RPS6KC1: variants seen among roughly 807,000 people sequenced by gnomAD.
RPS6KC1 encodes the protein inactive ribosomal protein S6 kinase delta-1.
In RPS6KC1, 54 loss-of-function variants were observed where a neutral mutation model predicts 103.8. The ratio of observed to expected loss-of-function variants is 0.52; its 90% CI spans 0.42 to 0.65. The LOEUF (loss-of-function observed/expected upper bound fraction) is 0.65. RPS6KC1 is among the 30% of genes least tolerant of loss of function. RPS6KC1 has a pLI of 0.00. For synonymous variants in RPS6KC1, 439 were observed against 438.7 expected (o/e 1.00, Z -0.01); for missense variants, 1,151 against 1,253.8 (o/e 0.92, Z 1.24).
At chr1:213,756,847 C>G in the RPS6KC1 span, among the ~76,000 whole-genome samples, 2 of 152,020 alleles carry the variant, frequency 1.3e-5, no homozygotes, top group African/African-American at 2.4e-5. Flanking sequence ...TGACCTCAAG[C>G]AATCTGCCTG....
intron 6 of RPS6KC1, among the ~76,000 whole-genome samples, chr1:213,137,505 G>A (rs1188381632): frequency 2.0e-5 from 3 of 151,038 alleles, no homozygotes; most frequent in African/African-American, 7.3e-5. Context: ...GGCTAATTTT[G>A]TATTTTTAGG....
intron 8 of RPS6KC1, among the ~76,000 whole-genome samples, chr1:213,186,265 T>C (rs574424467): frequency 2.6e-5 from 4 of 152,108 alleles, no homozygotes; most frequent in Admixed American, 6.5e-5. Context: ...ATAATGTAGA[T>C]CTGATGGTGG....
chr1:213,664,892 A>G, the RPS6KC1 span, among the ~76,000 whole-genome samples: 1 of 152,210 alleles, frequency 6.6e-6, no homozygotes, highest in Middle Eastern at 3.2e-3. Flanking sequence ...TATGCTTTAT[A>G]TATGAAAGAG....
the RPS6KC1 span, among the ~76,000 whole-genome samples, chr1:213,800,762 T>G: frequency 6.6e-6 from 1 of 152,238 alleles, no homozygotes; most frequent in East Asian, 1.9e-4. Context: ...CTTTTATTTT[T>G]AAATCTGAGA....
chr1:213,348,476 T>C, the RPS6KC1 span, among the ~76,000 whole-genome samples: 1 of 152,186 alleles, frequency 6.6e-6, no homozygotes, highest in Non-Finnish European at 1.5e-5. Flanking sequence ...AAAGAAAAAC[T>C]ATCTGGGTCA....
chr1:213,756,510 T>C, the RPS6KC1 span, among the ~76,000 whole-genome samples: 1 of 152,244 alleles, frequency 6.6e-6, no homozygotes, highest in African/African-American at 2.4e-5. Context: ...CAACCCTGTG[T>C]TGAACACGTC....
the RPS6KC1 span, among the ~76,000 whole-genome samples, chr1:213,383,296 A>G: frequency 1.7e-4 from 26 of 152,242 alleles, no homozygotes; most frequent in Admixed American, 5.9e-4. Flanking sequence ...CCTTCCTGAA[A>G]GTCTGAGGTG....
chr1:213,449,884 C>T, the RPS6KC1 span, among the ~76,000 whole-genome samples: 3 of 152,152 alleles, frequency 2.0e-5, no homozygotes, highest in African/African-American at 7.2e-5. Flanking sequence ...TGCTCTTCAC[C>T]TCCTATTCTT....
chr1:213,689,042 C>A, the RPS6KC1 span, among the ~76,000 whole-genome samples: 3 of 152,128 alleles, frequency 2.0e-5, no homozygotes, highest in African/African-American at 4.8e-5. Flanking sequence ...GCAGGTGAAT[C>A]CAAGTAGTGT....
chr1:213,057,595 C>G (rs1171232822), intron 1 of RPS6KC1, among the ~76,000 whole-genome samples: 1 of 151,842 alleles, frequency 6.6e-6, no homozygotes, highest in Non-Finnish European at 1.5e-5. Context: ...GCCTTTTAGA[C>G]TGATAATTTG....
intron 10 of RPS6KC1, among the ~76,000 whole-genome samples, chr1:213,232,809 T>G (rs1327301433): frequency 1.3e-5 from 2 of 152,172 alleles, no homozygotes; most frequent in Non-Finnish European, 2.9e-5. Context: ...TTTCAGCTCT[T>G]TGTAGAGGGA....
chr1:213,609,209 C>A, the RPS6KC1 span, among the ~76,000 whole-genome samples: 3 of 152,202 alleles, frequency 2.0e-5, no homozygotes, highest in African/African-American at 4.8e-5. Flanking sequence ...CTAAATCCTG[C>A]AAACAAATTG....
the RPS6KC1 span, among the ~76,000 whole-genome samples, chr1:213,396,276 A>G: frequency 6.6e-6 from 1 of 152,100 alleles, no homozygotes; most frequent in African/African-American, 2.4e-5. Context: ...ATTAAATGAG[A>G]TAATGATGCC....
chr1:213,756,905 C>A, the RPS6KC1 span, among the ~76,000 whole-genome samples: 1 of 152,136 alleles, frequency 6.6e-6, no homozygotes, highest in Non-Finnish European at 1.5e-5. Context: ...GCCACTGCAC[C>A]CAGCCCAAAC....
At chr1:213,444,460 A>G in the RPS6KC1 span, among the ~76,000 whole-genome samples, 3 of 152,204 alleles carry the variant, frequency 2.0e-5, no homozygotes, top group South Asian at 6.2e-4. Flanking sequence ...CCTCCATGTG[A>G]GCTGCATTTC....
the RPS6KC1 span, among the ~76,000 whole-genome samples, chr1:213,769,693 A>G: frequency 6.6e-6 from 1 of 152,168 alleles, no homozygotes; most frequent in Non-Finnish European, 1.5e-5. Context: ...GAATGAAAGA[A>G]AGAAAAACAA....
chr1:213,197,395 A>C (rs2092991335), intron 8 of RPS6KC1, among the ~76,000 whole-genome samples: 1 of 152,194 alleles, frequency 6.6e-6, no homozygotes, highest in Non-Finnish European at 1.5e-5. Context: ...TATTCACAAT[A>C]TTCATTCTAC....
chr1:213,672,418 C>A, the RPS6KC1 span, among the ~76,000 whole-genome samples: 1 of 152,188 alleles, frequency 6.6e-6, no homozygotes, highest in African/African-American at 2.4e-5. Flanking sequence ...GAAAAAATCA[C>A]TGGAAAATCT....
chr1:213,148,845 A>G (rs969967132), intron 6 of RPS6KC1, among the ~76,000 whole-genome samples: 1 of 152,058 alleles, frequency 6.6e-6, no homozygotes, highest in Non-Finnish European at 1.5e-5. Flanking sequence ...TATGGCTTCA[A>G]TCTCATTATC....
Sources: gnomAD v4.1 joint callset for allele counts (sites outside exome capture counted in the v4.1 genomes callset) on GRCh38, gnomAD v4.1.1 for gene constraint, MANE v1.5 for transcripts, NCBI Gene and HGNC (gene_info 2026-07-23, HGNC 2026-07-21) for gene names.